The following MYLK3 variants were observed in gnomAD, a reference collection of about 807,000 sequenced individuals.
MYLK3 encodes MLC kinase.
Under a neutral mutation model 76.3 loss-of-function variants are expected in MYLK3, and 55 were observed. That is an observed-to-expected ratio of 0.72 (90% CI 0.58 to 0.90). MYLK3 has a LOEUF of 0.90. MYLK3 is among the 40% of genes least tolerant of loss of function. The pLI is 0.00. For synonymous variants in MYLK3, 416 were observed against 425.4 expected (o/e 0.98, Z 0.27); for missense variants, 973 against 1,053.6 (o/e 0.92, Z 1.06).
chr16:46,737,660 G>A, intron 3 of MYLK3, 51 bp downstream of exon 3: 1 of 1,520,302 alleles, frequency 6.6e-7, no homozygotes, highest in Non-Finnish European at 8.9e-7. Flanking sequence ...GCTCCAGCGA[G>A]GGGCCACAGT....
chr16:46,751,979 C>T (rs1171522568), upstream of MYLK3, among the ~76,000 whole-genome samples: 3 of 152,124 alleles, frequency 2.0e-5, no homozygotes, highest in African/African-American at 4.8e-5. Context: ...GAGGCATTGA[C>T]CCCCCAAGCC....
chr16:46,734,243 G>A (rs1966858932), intron 3 of MYLK3, among the ~76,000 whole-genome samples: 1 of 152,178 alleles, frequency 6.6e-6, no homozygotes, highest in Non-Finnish European at 1.5e-5. Context: ...TTAAAGAGGA[G>A]GGACGTTCTG....
chr16:46,729,768 A>G (rs753983919), intron 5 of MYLK3, 81 bp from the exon 6 acceptor site: 9 of 1,220,722 alleles, frequency 7.4e-6, no homozygotes, highest in Non-Finnish European at 9.6e-6. Flanking sequence ...GGTCCAACTC[A>G]TCCACACACA....
At chr16:46,743,881 A>C (rs1394973673) in intron 1 of MYLK3, among the ~76,000 whole-genome samples, 1 of 152,174 alleles carries the variant, frequency 6.6e-6, no homozygotes, top group Non-Finnish European at 1.5e-5. Flanking sequence ...ATATAAATCA[A>C]AACTATGAGA....
rs572666553 is a variant in MYLK3, at chr16:46,711,467, C to T, written c.2115-678G>A. 1.1e-3 allele frequency: 239 copies of T among 218,610 alleles called. 7 individuals are homozygous for T. In the South Asian group the frequency reaches 0.011, roughly 10 times the overall value. 13.5% of individuals were successfully genotyped at this position (218,610 alleles called of 1,614,324 possible). On this transcript the variant is annotated intron_variant, in intron 10 of 12. Transcript: ENST00000394809. ...CCACAAAGGGTATCCTGCCCTGCCC[C>T]CCACCCCCTTACCCCTTCGGTGCAC...
intron 10 of MYLK3, 150 bp from the exon 11 acceptor site, chr16:46,710,939 G>A: frequency 2.4e-6 from 2 of 830,368 alleles, no homozygotes; most frequent in African/African-American, 1.7e-5. Context: ...TCCACAGGAT[G>A]GAGTCCAGTG....
chr16:46,744,155 C>T (rs1567290993), intron 1 of MYLK3, among the ~76,000 whole-genome samples: 1 of 151,916 alleles, frequency 6.6e-6, no homozygotes, highest in East Asian at 1.9e-4. Flanking sequence ...GCCTCAGCCT[C>T]CCGGGTAGCT....
intron 11 of MYLK3, among the ~76,000 whole-genome samples, chr16:46,710,070 AT>A (rs1480467459): frequency 1.3e-5 from 2 of 152,090 alleles, no homozygotes; most frequent in Non-Finnish European, 2.9e-5. Flanking sequence ...CTGACTTAGA[AT>A]TTTTTTTCCT....
chr16:46,712,735 G>A lies in MYLK3; in HGVS notation c.2027C>T (p.Pro676Leu). The A allele has an allele frequency of 6.3e-7, 1 of 1,599,626 alleles. No homozygotes were observed. Among genetic ancestry groups the A allele is most frequent in the Non-Finnish European group, 8.5e-7 (1 of 1,172,816 alleles). ...REKLKVNFGT[P>L]EFLAPEVVNY... ...GACGACTTCTGGGGCCAGGAACTCA[G>A]GAGTGCCGAAGTTCACCTTCAGCTT... is the stretch of plus-strand genomic sequence containing the variant. Residue 676 changes from proline to leucine, a missense_variant, in exon 10 of 13, where the codon CCT (proline) becomes CTT (leucine). By Grantham distance (98) the Pro-to-Leu change is moderately conservative. Transcript: ENST00000394809.
At chr16:46,712,590 C>T in intron 10 of MYLK3, 58 bp downstream of exon 10, 1 of 1,372,394 alleles carries the variant, frequency 7.3e-7, no homozygotes. Flanking sequence ...CTAAGATTAC[C>T]CAAAGGAAGA....
chr16:46,755,454 G>C (rs1232376151), intron 1 of MYLK3, among the ~76,000 whole-genome samples: 3 of 147,372 alleles, frequency 2.0e-5, no homozygotes, highest in African/African-American at 7.5e-5. Flanking sequence ...GTGAAACTCT[G>C]TCTCAAAAAA....
At chr16:46,712,537 G>A in intron 10 of MYLK3, 111 bp downstream of exon 10, 1 of 1,049,752 alleles carries the variant, frequency 9.5e-7, no homozygotes, top group Non-Finnish European at 1.3e-6. Flanking sequence ...GGGTTTCCTG[G>A]GGTTACCTCC....
Position 46,747,975 on chromosome 16 carries a change from C to G in MYLK3, c.219G>C (p.Pro73=). The G allele has an allele frequency of 6.2e-7, 1 of 1,613,160 alleles. No homozygotes were observed. Among genetic ancestry groups the G allele is most frequent in the Non-Finnish European group, 8.5e-7 (1 of 1,179,844 alleles). ...GAACCCCATCAGCCCCGCCCGGGCC[C>G]GGTGCCCGGGAGGCCTCCAGCCTGT... The part of the protein sequence containing the change: ...GLHRLEASRA[P]GPGGADGVPH... The change falls in exon 1 of 13, where the codon CCG becomes CCC. Residue 73 remains proline, a synonymous_variant. Coordinates refer to ENST00000394809, the MANE Select transcript of MYLK3 (RefSeq NM_182493.3).
chr16:46,709,147 T>A (rs1383500236), intron 12 of MYLK3, among the ~76,000 whole-genome samples: 1 of 152,164 alleles, frequency 6.6e-6, no homozygotes, highest in Non-Finnish European at 1.5e-5. Flanking sequence ...ACAGGCTGGG[T>A]GCAGTGGCTC....
chr16:46,744,109 T>C (rs773791797), intron 1 of MYLK3, among the ~76,000 whole-genome samples: 6 of 152,196 alleles, frequency 3.9e-5, no homozygotes, highest in Non-Finnish European at 8.8e-5. Context: ...CTTGGCTCAC[T>C]GCAACCTCCG....
At position 46,729,623 on chromosome 16, in the gene MYLK3, T is replaced by A; in HGVS notation, c.1633A>T (p.Ile545Phe). ...TCCTTGGCGCTCTTCACTTTGATGA[T>A]CTTGGCAGCCAGTGGGAGGCCTGTG... ...KSTGLPLAAK[I>F]IKVKSAKDRE... Residue 545 changes from isoleucine (I) to phenylalanine (F), a missense_variant, in exon 6 of 13, where the codon ATC (isoleucine) becomes TTC (phenylalanine). Ile to Phe is a conservative substitution (Grantham distance 21). This residue lies in a region of MYLK3 where 332 missense variants were observed against 416.6 expected (regional missense o/e 0.80). Coordinates refer to ENST00000394809, the MANE Select transcript of MYLK3 (RefSeq NM_182493.3). 1.9e-6 allele frequency: 3 copies of A among 1,613,760 alleles called. No homozygotes were observed. The highest frequency in any genetic ancestry group is 1.1e-5 in the South Asian group (1 of 91,084).
intron 11 of MYLK3, among the ~76,000 whole-genome samples, chr16:46,710,200 T>C (rs1295938542): frequency 1.3e-5 from 2 of 152,220 alleles, no homozygotes; most frequent in East Asian, 3.9e-4. Context: ...TTTGGTTATG[T>C]CCAGTTATTA....
intron 4 of MYLK3, 21 bp downstream of exon 4, chr16:46,732,187 C>A: frequency 1.3e-6 from 2 of 1,550,644 alleles, no homozygotes; most frequent in South Asian, 1.2e-5. Flanking sequence ...TCGTGTCTAG[C>A]CAGGCAACAG....
intron 9 of MYLK3, among the ~76,000 whole-genome samples, chr16:46,716,457 A>G (rs1966739384): frequency 6.6e-6 from 1 of 150,514 alleles, no homozygotes; most frequent in Non-Finnish European, 1.5e-5. Flanking sequence ...GTGTATATAT[A>G]TGTGTGTATA....
Sources: allele counts gnomAD v4.1 joint callset (sites outside exome capture counted in the v4.1 genomes callset), GRCh38; gene constraint gnomAD v4.1.1; regional missense constraint gnomAD v4.1.1; transcripts MANE v1.5; gene names NCBI Gene and HGNC (gene_info 2026-07-23, HGNC 2026-07-21).